Variants in TNIK observed in about 807,000 individuals in gnomAD.
The protein encoded by TNIK is TRAF2 and NCK-interacting protein kinase.
TNIK carries 49 observed loss-of-function variants against 191.3 expected under a neutral mutation model. That is an observed-to-expected ratio of 0.26 (90% CI 0.20 to 0.32). TNIK has a LOEUF of 0.32. Ranked by LOEUF, TNIK falls within the 10% of genes least tolerant of loss-of-function variation. The probability of loss-of-function intolerance (pLI) is 1.00; values close to 1 mark genes in which losing one functional copy is unlikely to be tolerated. For missense variants in TNIK, 1,155 were observed against 1,702.3 expected, an observed-to-expected ratio of 0.68 and a Z score of 5.66; for synonymous variants, 594 against 600.9, an observed-to-expected ratio of 0.99 and a Z score of 0.17.
At chr3:171,103,502 G>A (rs186951360) in intron 21 of TNIK, among the ~76,000 whole-genome samples, 181 of 152,074 alleles carry the variant, frequency 1.2e-3, no homozygotes, top group Middle Eastern at 6.9e-3. Flanking sequence ...TGAGTACCAT[G>A]GGAAAATAAA....
At chr3:171,207,128 G>T (rs1161444749) in intron 4 of TNIK, among the ~76,000 whole-genome samples, 1 of 151,866 alleles carries the variant, frequency 6.6e-6, no homozygotes. Context: ...AAATATTGCT[G>T]CAATGAACAC....
chr3:171,228,972 T>C (rs1030753772), intron 2 of TNIK, among the ~76,000 whole-genome samples: 2 of 152,186 alleles, frequency 1.3e-5, no homozygotes, highest in African/African-American at 4.8e-5. Context: ...TACTTTTACA[T>C]GAATTTTATA....
Position 171,205,584 on chromosome 3 carries a change from T to G in TNIK, c.306+5532A>C, listed in dbSNP as rs1448451581. Among the ~76,000 whole-genome samples, 4 of 152,176 alleles carry G rather than the reference T, an allele frequency of 2.6e-5. No individual in the cohort carries two copies. In the East Asian group the frequency reaches 7.7e-4, roughly 29 times the overall value. ...CTTGCAGATCCCCCCTTCATCAAGT[T>G]CAGGAAGGGGATTCACTTACTAAAA... On this transcript the variant is annotated intron_variant, in intron 4 of 32. Transcript: ENST00000436636.
chr3:171,331,768 A>T (rs1756441283), intron 2 of TNIK, among the ~76,000 whole-genome samples: 1 of 152,200 alleles, frequency 6.6e-6, no homozygotes, highest in African/African-American at 2.4e-5. Context: ...TAGCATTTTT[A>T]ATAAATATAG....
At chr3:171,125,548 T>G (rs1199744953) in intron 17 of TNIK, among the ~76,000 whole-genome samples, 2 of 152,250 alleles carry the variant, frequency 1.3e-5, no homozygotes, top group Non-Finnish European at 2.9e-5. Flanking sequence ...CTACTTTTTA[T>G]CTGGAAGTTT....
rs1729292846 is a variant in TNIK, at chr3:171,460,080, G to A, written c.-17C>T. On this transcript the variant is annotated 5_prime_UTR_variant, in exon 1 of 33. Transcript: ENST00000436636. This position sits in a 1 kb window ranked among gnomAD's most constrained non-coding sequence, Gnocchi z 6.8. ...GCTCGCCATGTCTACTTCTTCGCTG[G>A]AGAAATGGACCAAAACCACCCCGAA... 6 of 1,600,218 alleles carry A rather than the reference G, an allele frequency of 3.7e-6. No homozygotes were observed. Among genetic ancestry groups the A allele is most frequent in the African/African-American group, 1.3e-5 (1 of 74,634 alleles).
At chr3:171,434,608 C>A (rs1251764618) in intron 1 of TNIK, among the ~76,000 whole-genome samples, 1 of 152,022 alleles carries the variant, frequency 6.6e-6, no homozygotes, top group Non-Finnish European at 1.5e-5. Context: ...CAGGTGCATA[C>A]CACTATATCT....
chr3:171,094,771 T>C (rs142170074), intron 22 of TNIK, among the ~76,000 whole-genome samples: 181 of 152,324 alleles, frequency 1.2e-3, no homozygotes, highest in African/African-American at 4.0e-3. Flanking sequence ...CTATGTCTTG[T>C]CCCAACAGCC....
chr3:171,275,241 G>A (rs1749587963), intron 2 of TNIK, among the ~76,000 whole-genome samples: 1 of 152,118 alleles, frequency 6.6e-6, no homozygotes, highest in South Asian at 2.1e-4. Flanking sequence ...AGCCCACATA[G>A]AGAGTCACAA....
At chr3:171,179,679 T>A (rs539778667) in intron 7 of TNIK, among the ~76,000 whole-genome samples, 134 of 152,198 alleles carry the variant, frequency 8.8e-4, no homozygotes, top group African/African-American at 3.1e-3. Context: ...CTTGATCTCC[T>A]GACCTCGTGA....
At chr3:171,123,452 T>C (rs1352769016) in intron 18 of TNIK, 144 bp downstream of exon 18, 1 of 543,936 alleles carries the variant, frequency 1.8e-6, no homozygotes, top group Non-Finnish European at 3.1e-6. Context: ...AAGGCATGTG[T>C]TCTGGACCAT....
chr3:171,103,618 T>C (rs1002396395), intron 21 of TNIK, among the ~76,000 whole-genome samples: 50 of 152,130 alleles, frequency 3.3e-4, no homozygotes, highest in African/African-American at 1.1e-3. Context: ...GACATCTATA[T>C]ATTAGGACTG....
chr3:171,460,339 C>T lies in TNIK; in HGVS notation c.-276G>A. 1.8e-6 allele frequency: 1 copy of T among 547,142 alleles called. No homozygotes were observed. Among genetic ancestry groups the T allele is most frequent in the Non-Finnish European group, 3.2e-6 (1 of 307,764 alleles). The allele number at this position is 547,142 out of a possible 1,614,324, so 33.9% of individuals were successfully genotyped here. A position where few individuals can be genotyped will look rare whatever the true frequency, so the allele number is the denominator to read the frequency against. On this transcript the variant is annotated 5_prime_UTR_variant, in exon 1 of 33. Transcript: ENST00000436636. This position sits in a 1 kb window ranked among gnomAD's most constrained non-coding sequence, Gnocchi z 6.8. ...CGATCGGCTAAGGGCGCTGGGGCTG[C>T]GTGGGTGTATTTAAATGGGACATGC...
At chr3:171,310,809 A>G (rs1753938447) in intron 2 of TNIK, among the ~76,000 whole-genome samples, 1 of 152,184 alleles carries the variant, frequency 6.6e-6, no homozygotes, top group Non-Finnish European at 1.5e-5. Context: ...GTTGATAAGC[A>G]GAGTTAAAAA....
chr3:171,176,132 A>G (rs916828224), intron 8 of TNIK, among the ~76,000 whole-genome samples: 1 of 152,200 alleles, frequency 6.6e-6, no homozygotes, highest in Non-Finnish European at 1.5e-5. Flanking sequence ...AAGCCAAAGG[A>G]TTCTGTGGGC....
chr3:171,092,503 G>C (rs541887677), intron 23 of TNIK, among the ~76,000 whole-genome samples: 15 of 152,258 alleles, frequency 9.9e-5, no homozygotes, highest in African/African-American at 3.1e-4. Flanking sequence ...TAAGTTATAG[G>C]GATAGAAGCC....
At chr3:171,163,786 G>T (rs539533858) in intron 10 of TNIK, among the ~76,000 whole-genome samples, 2 of 151,976 alleles carry the variant, frequency 1.3e-5, no homozygotes, top group Non-Finnish European at 2.9e-5. Flanking sequence ...CATTTGTCAG[G>T]CTTCTCAATT....
intron 2 of TNIK, among the ~76,000 whole-genome samples, chr3:171,335,897 G>T (rs1756907856): frequency 6.6e-6 from 1 of 152,078 alleles, no homozygotes; most frequent in East Asian, 1.9e-4. Flanking sequence ...CTATCAGCAA[G>T]GTATGAAAGT....
intron 2 of TNIK, among the ~76,000 whole-genome samples, chr3:171,262,520 A>G (rs1321097789): frequency 6.6e-6 from 1 of 152,252 alleles, no homozygotes; most frequent in Non-Finnish European, 1.5e-5. Context: ...TCAGGCATTC[A>G]GAACAGAAGC....
Sources: allele counts gnomAD v4.1 joint callset (sites outside exome capture counted in the v4.1 genomes callset), GRCh38; gene constraint gnomAD v4.1.1; non-coding constraint Gnocchi (gnomAD v3.1); transcripts MANE v1.5; gene names NCBI Gene and HGNC (gene_info 2026-07-23, HGNC 2026-07-21).